The following RPA1 variants were observed in gnomAD, a reference collection of about 807,000 sequenced individuals.
The protein encoded by RPA1 is replication protein A1.
RPA1 carries 49 observed loss-of-function variants against 83.0 expected under a neutral mutation model. That is an observed-to-expected ratio of 0.59 (90% CI 0.47 to 0.75). The LOEUF is 0.75. Ranked by LOEUF, RPA1 falls within the 30% of genes least tolerant of loss-of-function variation. RPA1 has a pLI of 0.00. For synonymous variants in RPA1, 279 were observed against 281.8 expected (o/e 0.99, Z 0.10); for missense variants, 693 against 776.1 (o/e 0.89, Z 1.27).
At chr17:1,839,792 T>TG in intron 1 of RPA1, among the ~76,000 whole-genome samples, 1 of 127,462 alleles carries the variant, frequency 7.8e-6, no homozygotes, top group African/African-American at 3.7e-5. Flanking sequence ...CAGCTAGTTT[T>TG]TTTTTTTTTT....
chr17:1,832,174 A>G (rs1246667422), intron 1 of RPA1, among the ~76,000 whole-genome samples: 2 of 144,300 alleles, frequency 1.4e-5, no homozygotes, highest in African/African-American at 2.6e-5. Flanking sequence ...TAGGTGATCC[A>G]CCCTCCTCGG....
At chr17:1,839,017 A>AT (rs1024805582) in intron 1 of RPA1, among the ~76,000 whole-genome samples, 40 of 150,686 alleles carry the variant, frequency 2.7e-4, no homozygotes, top group Admixed American at 2.1e-3. Context: ...TGCCCGGCTA[A>AT]TTTTTTTTTG....
intron 15 of RPA1, among the ~76,000 whole-genome samples, chr17:1,892,208 T>C (rs1597461698): frequency 6.6e-6 from 1 of 152,192 alleles, no homozygotes; most frequent in Non-Finnish European, 1.5e-5. Context: ...GGTTTTACCA[T>C]GTTGGCCAGG....
At chr17:1,832,772 A>G (rs1005996705) in intron 1 of RPA1, among the ~76,000 whole-genome samples, 6 of 152,234 alleles carry the variant, frequency 3.9e-5, no homozygotes, top group Non-Finnish European at 5.9e-5. Flanking sequence ...TCTATTGCAT[A>G]AGGTAAGTAG....
At chr17:1,835,204 A>G (rs1001278959) in intron 1 of RPA1, among the ~76,000 whole-genome samples, 4 of 152,046 alleles carry the variant, frequency 2.6e-5, no homozygotes, top group African/African-American at 7.3e-5. Context: ...GCTGGAGTGC[A>G]GTGGCATGAT....
chr17:1,842,067 G>A (rs977412784), intron 1 of RPA1, among the ~76,000 whole-genome samples: 1 of 151,908 alleles, frequency 6.6e-6, no homozygotes, highest in Non-Finnish European at 1.5e-5. Flanking sequence ...TGTTGCTTAG[G>A]CTGGTCTTGA....
intron 15 of RPA1, among the ~76,000 whole-genome samples, chr17:1,893,569 CT>C (rs17292454): frequency 0.016 from 2,402 of 150,932 alleles, 35 homozygotes; most frequent in Non-Finnish European, 0.026. Context: ...ATTAGTTTTT[CT>C]TTTTTTTTGT....
chr17:1,850,543 A>G (rs1391596695), intron 4 of RPA1, among the ~76,000 whole-genome samples: 2 of 150,738 alleles, frequency 1.3e-5, no homozygotes, highest in Admixed American at 6.6e-5. Flanking sequence ...TCTCAAAAAA[A>G]AAAAAGGATT....
At chr17:1,834,505 T>C (rs2151265540) in intron 1 of RPA1, among the ~76,000 whole-genome samples, 1 of 152,320 alleles carries the variant, frequency 6.6e-6, no homozygotes, top group Admixed American at 6.5e-5. Flanking sequence ...CTAAAGCAGG[T>C]ATCATTTTCG....
chr17:1,850,893 CA>C (rs60804970), intron 4 of RPA1, among the ~76,000 whole-genome samples: 42 of 144,898 alleles, frequency 2.9e-4, no homozygotes, highest in Middle Eastern at 3.6e-3. Context: ...CTCTCTCTCT[CA>C]AAAAAAAAAA....
In RPA1 at chr17:1,830,061, C is replaced by T. The variant is rs944916521; in HGVS notation, c.-33C>T. ...CCGGGTGGGGAAGCTGGAGCTGTTG[C>T]GGGGTCCGCGGGGAAGTCTTGGCGG... On this transcript the variant is annotated 5_prime_UTR_variant, in exon 1 of 17. Transcript: ENST00000254719. 152 of 1,248,844 alleles carry T rather than the reference C, an allele frequency of 1.2e-4. No homozygotes were observed. The highest frequency in any genetic ancestry group is 1.5e-4 in the Non-Finnish European group (147 of 987,996). The allele number at this position is 1,248,844 out of a possible 1,614,324, so 77.4% of individuals were successfully genotyped here. A position where few individuals can be genotyped will look rare whatever the true frequency, so the allele number is the denominator to read the frequency against.
chr17:1,855,894 AC>A (rs1395090756), intron 5 of RPA1, among the ~76,000 whole-genome samples: 1 of 151,812 alleles, frequency 6.6e-6, no homozygotes, highest in East Asian at 1.9e-4. Flanking sequence ...TTATTCAAGC[AC>A]CCTTCTTGAG....
chr17:1,883,695 T>A (rs1246530056), intron 12 of RPA1, 117 bp from the exon 13 acceptor site: 1 of 1,314,804 alleles, frequency 7.6e-7, no homozygotes, highest in Admixed American at 1.8e-5. Flanking sequence ...GTGACCTGTG[T>A]GAAAGCTGGG....
At chr17:1,840,109 AAAAG>A (rs1911989738) in intron 1 of RPA1, among the ~76,000 whole-genome samples, 2 of 152,104 alleles carry the variant, frequency 1.3e-5, no homozygotes, top group South Asian at 2.1e-4. Flanking sequence ...ACAATAAAAA[AAAAG>A]AAAAAGAAAA....
At chr17:1,857,716 AG>A (rs200763252) in intron 5 of RPA1, among the ~76,000 whole-genome samples, 24 of 143,692 alleles carry the variant, frequency 1.7e-4, no homozygotes, top group African/African-American at 6.2e-4. Flanking sequence ...TGTCTCAGGA[AG>A]AAGGAGCCAA....
chr17:1,848,352 C>T (rs1036817760), intron 4 of RPA1, among the ~76,000 whole-genome samples: 2 of 152,040 alleles, frequency 1.3e-5, no homozygotes, highest in Non-Finnish European at 2.9e-5. Context: ...TGGCTCATGC[C>T]TGTAATCCCA....
At chr17:1,841,651 G>A (rs1912050810) in intron 1 of RPA1, among the ~76,000 whole-genome samples, 1 of 152,096 alleles carries the variant, frequency 6.6e-6, no homozygotes, top group African/African-American at 2.4e-5. Flanking sequence ...GCATTAGTTA[G>A]AACCTCTAAT....
At chr17:1,846,999 T>C (rs1261063268) in intron 4 of RPA1, among the ~76,000 whole-genome samples, 3 of 152,238 alleles carry the variant, frequency 2.0e-5, no homozygotes, top group African/African-American at 7.2e-5. Context: ...TGACTGTTAA[T>C]TTGTTGGATT....
At chr17:1,876,229 T>C (rs2151285692) in intron 7 of RPA1, among the ~76,000 whole-genome samples, 1 of 152,292 alleles carries the variant, frequency 6.6e-6, no homozygotes, top group Admixed American at 6.5e-5. Context: ...ACCCTGAACA[T>C]AAATTTCTTT....
Sources: gnomAD v4.1 joint callset for allele counts (sites outside exome capture counted in the v4.1 genomes callset) on GRCh38, gnomAD v4.1.1 for gene constraint, MANE v1.5 for transcripts, NCBI Gene and HGNC (gene_info 2026-07-23, HGNC 2026-07-21) for gene names.